THRB: variants seen among roughly 807,000 people sequenced by gnomAD.
The protein encoded by THRB is nuclear receptor subfamily 1 group A member 2.
THRB carries 12 observed loss-of-function variants against 47.8 expected under a neutral mutation model. The ratio of observed to expected loss-of-function variants is 0.25; its 90% CI spans 0.16 to 0.41. THRB has a LOEUF of 0.41. Ranked by LOEUF, THRB falls within the 10% of genes least tolerant of loss-of-function variation. The pLI, the probability that THRB is intolerant of heterozygous loss-of-function variation, is 1.00. For synonymous variants in THRB, 218 were observed against 212.2 expected (o/e 1.03, Z -0.24); for missense variants, 348 against 589.2 (o/e 0.59, Z 4.24).
intron 2 of THRB, among the ~76,000 whole-genome samples, chr3:24,334,561 A>T (rs1219839639): frequency 6.6e-6 from 1 of 152,234 alleles, no homozygotes; most frequent in Non-Finnish European, 1.5e-5. Flanking sequence ...TCACTATGGC[A>T]TCTCATTTCC....
At chr3:24,375,536 T>C (rs2065222677) in intron 1 of THRB, among the ~76,000 whole-genome samples, 1 of 147,352 alleles carries the variant, frequency 6.8e-6, no homozygotes, top group African/African-American at 2.5e-5. Context: ...ATATATTAGT[T>C]AGACATATAA....
intron 4 of THRB, among the ~76,000 whole-genome samples, chr3:24,212,155 T>C (rs1296341411): frequency 1.3e-5 from 2 of 151,778 alleles, no homozygotes; most frequent in Non-Finnish European, 2.9e-5. Context: ...TCCCAGCACT[T>C]TGGGAGGCCG....
At chr3:24,324,966 G>A (rs1343364211) in intron 2 of THRB, among the ~76,000 whole-genome samples, 1 of 152,166 alleles carries the variant, frequency 6.6e-6, no homozygotes, top group African/African-American at 2.4e-5. Flanking sequence ...GATTAAATGG[G>A]AACATCAAAA....
intron 7 of THRB, chr3:24,144,140 T>G: frequency 5.2e-6 from 1 of 193,916 alleles, no homozygotes; most frequent in Non-Finnish European, 1.1e-5. Flanking sequence ...GAACTTCAGG[T>G]TAAAGAAACG....
At chr3:24,465,419 T>C (rs2074054899) in intron 1 of THRB, among the ~76,000 whole-genome samples, 1 of 152,202 alleles carries the variant, frequency 6.6e-6, no homozygotes, top group African/African-American at 2.4e-5. Flanking sequence ...GAATTATTTT[T>C]TGAGACTGAG....
chr3:24,272,260 C>T (rs2053416577), intron 3 of THRB, among the ~76,000 whole-genome samples: 1 of 151,998 alleles, frequency 6.6e-6, no homozygotes, highest in South Asian at 2.1e-4. Context: ...GTGGGAGTAT[C>T]ACTAGAGCCC....
At chr3:24,139,405 A>C (rs1278122224) in intron 8 of THRB, among the ~76,000 whole-genome samples, 1 of 128,634 alleles carries the variant, frequency 7.8e-6, no homozygotes. Context: ...TTTTTTTGAG[A>C]CATGGTTTTA....
At chr3:24,190,765 G>C (rs1309401532) in intron 4 of THRB, among the ~76,000 whole-genome samples, 1 of 151,772 alleles carries the variant, frequency 6.6e-6, no homozygotes, top group Non-Finnish European at 1.5e-5. Context: ...TTTGACTTGG[G>C]TTTTATCACA....
chr3:24,468,436 C>G (rs1393928775), intron 1 of THRB, among the ~76,000 whole-genome samples: 1 of 152,204 alleles, frequency 6.6e-6, no homozygotes, highest in Non-Finnish European at 1.5e-5. Flanking sequence ...TTTTGACATG[C>G]CTTCCTCATT....
chr3:24,286,875 G>C (rs972434367), intron 3 of THRB, among the ~76,000 whole-genome samples: 2 of 152,162 alleles, frequency 1.3e-5, no homozygotes, highest in African/African-American at 4.8e-5. Flanking sequence ...AGCCTGGGCG[G>C]CATGGGGTTC....
chr3:24,368,093 A>G (rs989449246), intron 1 of THRB, among the ~76,000 whole-genome samples: 1 of 152,132 alleles, frequency 6.6e-6, no homozygotes, highest in African/African-American at 2.4e-5. Flanking sequence ...TAATTATTTT[A>G]TGATTTATAA....
intron 1 of THRB, among the ~76,000 whole-genome samples, chr3:24,408,520 C>T (rs554516945): frequency 2.0e-5 from 3 of 151,922 alleles, no homozygotes; most frequent in African/African-American, 4.8e-5. Context: ...AGTGTGAGCA[C>T]GTGCATGAGC....
Position 24,477,007 on chromosome 3 carries a change from A to ATTTTTTTTTTTTTTTTTT in THRB, c.-261+17627_-261+17644dup, listed in dbSNP as rs558247174. 3.3e-3 allele frequency among the ~76,000 whole-genome samples: 412 copies of ATTTTTTTTTTTTTTTTTT among 126,360 alleles called. 14 individuals are homozygous for ATTTTTTTTTTTTTTTTTT. The highest frequency in any genetic ancestry group is 0.011 in the African/African-American group (365 of 32,224). The allele number at this position is 126,360 out of a possible 152,430, so 82.9% of individuals were successfully genotyped here. On this transcript the variant is annotated intron_variant, in intron 1 of 10. Transcript: ENST00000646209. ...GGTATTTATGGTAGTGGTTTTCAAG[A>ATTTTTTTTTTTTTTTTTT]TTTTTTTTTTTTTTTTTTACTGTAA...
Position 24,190,192 on chromosome 3 carries a change from C to T in THRB, c.165G>A (p.Ser55=), listed in dbSNP as rs567188134. 92 of 1,614,084 alleles carry T rather than the reference C, an allele frequency of 5.7e-5. No individual in the cohort carries two copies. The highest frequency in any genetic ancestry group is 2.8e-4 in the Admixed American group (17 of 60,016). ...RRSTLKNEQS[S]PHLIQTTWTS... ...TCCAAGTGGTCTGGATGAGATGTGG[C>T]GACGACTGTTCATTTTTCAACGTGC... Residue 55 remains serine (S), a synonymous_variant, in exon 5 of 11, where the codon TCG becomes TCA. Transcript: ENST00000646209.
chr3:24,479,142 CA>C (rs938074190), intron 1 of THRB, among the ~76,000 whole-genome samples: 13 of 149,406 alleles, frequency 8.7e-5, no homozygotes, highest in South Asian at 2.1e-4. Flanking sequence ...ATTAAAAATA[CA>C]AAAAAAAAAT....
At chr3:24,230,174 C>T (rs2048109515) in intron 3 of THRB, among the ~76,000 whole-genome samples, 1 of 152,208 alleles carries the variant, frequency 6.6e-6, no homozygotes, top group African/African-American at 2.4e-5. Flanking sequence ...GCCATTCATG[C>T]TCTGTCTCCA....
At chr3:24,476,982 G>C (rs1695556474) in intron 1 of THRB, among the ~76,000 whole-genome samples, 1 of 148,606 alleles carries the variant, frequency 6.7e-6, no homozygotes, top group African/African-American at 2.6e-5. Flanking sequence ...AGAGACATTG[G>C]GTATTTATGG....
chr3:24,241,867 C>G (rs1020434251), intron 3 of THRB, among the ~76,000 whole-genome samples: 2 of 152,074 alleles, frequency 1.3e-5, no homozygotes, highest in African/African-American at 4.8e-5. Flanking sequence ...TTCTGATGCA[C>G]ACTTGAGTGT....
chr3:24,321,818 A>G (rs185221755), intron 2 of THRB, among the ~76,000 whole-genome samples: 3 of 152,336 alleles, frequency 2.0e-5, no homozygotes, highest in African/African-American at 4.8e-5. Flanking sequence ...GAGATGTGCT[A>G]TAAGTATAAG....
Sources: allele counts gnomAD v4.1 joint callset (sites outside exome capture counted in the v4.1 genomes callset), GRCh38; gene constraint gnomAD v4.1.1; transcripts MANE v1.5; gene names NCBI Gene and HGNC (gene_info 2026-07-23, HGNC 2026-07-21).